Variants in KANK1 observed in about 807,000 individuals in gnomAD.
The protein encoded by KANK1 is KN motif and ankyrin repeat domain-containing protein 1.
In KANK1, 109 loss-of-function variants were observed where a neutral mutation model predicts 106.2. The ratio of observed to expected loss-of-function variants is 1.03; its 90% CI spans 0.88 to 1.20. KANK1 has a LOEUF of 1.20. Ranked by LOEUF, KANK1 falls within the 50% of genes most tolerant of loss-of-function variation. The pLI is 0.00. For missense variants in KANK1, 2,399 were observed against 1,710.7 expected (o/e 1.40, Z -7.10); for synonymous variants, 873 against 652.2 (o/e 1.34, Z -5.16).
chr9:480,659 T>C (rs1431972592), intron 3 of KANK1, among the ~76,000 whole-genome samples: 1 of 152,240 alleles, frequency 6.6e-6, no homozygotes, highest in Middle Eastern at 3.2e-3. Context: ...GAAAGAATTA[T>C]TTTCGTCAGC....
At chr9:605,606 C>G (rs1828904551) in intron 1 of KANK1, among the ~76,000 whole-genome samples, 2 of 151,806 alleles carry the variant, frequency 1.3e-5, no homozygotes, top group African/African-American at 2.4e-5. Flanking sequence ...TTCCTGTAAT[C>G]TCTTCTGTAC....
At chr9:743,123 T>G (rs1382586115) in intron 10 of KANK1, among the ~76,000 whole-genome samples, 1 of 152,128 alleles carries the variant, frequency 6.6e-6, no homozygotes, top group Non-Finnish European at 1.5e-5. Context: ...TGAGATGGTG[T>G]AAAGGTCACA....
intron 3 of KANK1, chr9:476,498 G>C (rs1156601238): frequency 6.6e-6 from 1 of 152,084 alleles, no homozygotes; most frequent in Non-Finnish European, 1.5e-5. Context: ...TCCAGCCTGG[G>C]CAATGGAACA....
At chr9:500,279 A>AAAC (rs1483010382), upstream of KANK1, among the ~76,000 whole-genome samples, 1 of 152,228 alleles carries the variant, frequency 6.6e-6, no homozygotes, top group Non-Finnish European at 1.5e-5. Context: ...CAAGAATAAT[A>AAAC]AACAAGTGAC....
chr9:712,075 G>T lies in KANK1; in HGVS notation c.1309G>T (p.Gly437Trp). 1.2e-6 allele frequency: 2 copies of T among 1,614,104 alleles called. No individual in the cohort carries two copies. Among genetic ancestry groups the T allele is most frequent in the Non-Finnish European group, 8.5e-7 (1 of 1,179,996 alleles). ...VGTLVEMRNC[G>W]VSVTEAMLGV... ...GACACTTGTTGAGATGAGAAATTGT[G>T]GGGTCAGCGTGACAGAGGCCATGCT... Residue 437 changes from glycine (G) to tryptophan (W), a missense_variant, in exon 3 of 12, where the codon GGG becomes TGG. Gly to Trp is a radical substitution (Grantham distance 184). Transcript: ENST00000382297.
intron 2 of KANK1, chr9:686,846 C>T: frequency 2.0e-6 from 2 of 985,316 alleles, no homozygotes; most frequent in Non-Finnish European, 2.4e-6. Flanking sequence ...TGCTAGAAAA[C>T]AGCAGCTGGA....
chr9:739,819 GATCTAGGATGCTTCAGC>G (rs983336758), intron 8 of KANK1, among the ~76,000 whole-genome samples: 13 of 152,006 alleles, frequency 8.6e-5, no homozygotes, highest in African/African-American at 3.1e-4. Flanking sequence ...ATAAGGTGTA[GATCTAGGATGCTTCAGC>G]ATCTATGCAG....
intron 1 of KANK1, among the ~76,000 whole-genome samples, chr9:546,660 C>T (rs1240327560): frequency 1.3e-5 from 2 of 150,846 alleles, no homozygotes; most frequent in Non-Finnish European, 2.9e-5. Context: ...TATTCCCTCT[C>T]CCACCCCCAC....
upstream of KANK1, among the ~76,000 whole-genome samples, chr9:503,718 C>G (rs563077053): frequency 6.6e-6 from 1 of 152,292 alleles, no homozygotes; most frequent in African/African-American, 2.4e-5. Context: ...AAAGTCGTCC[C>G]TTCAGTTCCC....
intron 2 of KANK1, chr9:707,067 G>C (rs988018043): frequency 1.0e-6 from 1 of 985,348 alleles, no homozygotes; most frequent in African/African-American, 1.7e-5. Context: ...CAGCCGGAGG[G>C]AGACCTCGCC....
At chr9:717,984 CAA>C (rs1828178614) in intron 3 of KANK1, among the ~76,000 whole-genome samples, 1 of 152,120 alleles carries the variant, frequency 6.6e-6, no homozygotes, top group African/African-American at 2.4e-5. Flanking sequence ...CTTAGTTCAT[CAA>C]AAGTTAATGA....
intron 1 of KANK1, among the ~76,000 whole-genome samples, chr9:561,998 A>G (rs891264853): frequency 2.0e-5 from 3 of 151,914 alleles, no homozygotes; most frequent in Non-Finnish European, 2.9e-5. Flanking sequence ...ACCATTTTAT[A>G]ACTTAGGTAA....
At position 681,272 on chromosome 9, in the gene KANK1, G is replaced by A. The variant is rs549893789; in HGVS notation, c.37+4263G>A. ...ATGGTACTGCTAACAGTACTGCAGC[G>A]TCTTTTGTTAAGGAGGTAAGAGCAT... On this transcript the variant is annotated intron_variant, in intron 2 of 11. Coordinates refer to ENST00000382297, the MANE Select transcript of KANK1 (RefSeq NM_015158.5). Among the ~76,000 whole-genome samples, 7 of 152,248 alleles carry A rather than the reference G, an allele frequency of 4.6e-5. No individual in the cohort carries two copies. In the South Asian group the frequency reaches 6.2e-4, roughly 14 times the overall value.
chr9:565,058 G>GAGAC (rs970327057), intron 1 of KANK1, among the ~76,000 whole-genome samples: 9 of 152,210 alleles, frequency 5.9e-5, no homozygotes, highest in Non-Finnish European at 1.0e-4. Context: ...GTAGAGAAGA[G>GAGAC]AGACCAAAGT....
At chr9:603,532 A>T (rs1217090710) in intron 1 of KANK1, among the ~76,000 whole-genome samples, 1 of 151,850 alleles carries the variant, frequency 6.6e-6, no homozygotes, top group Non-Finnish European at 1.5e-5. Context: ...GACATTCAGT[A>T]ATTCTTACTC....
At chr9:687,766 T>C (rs569093887) in intron 2 of KANK1, among the ~76,000 whole-genome samples, 3 of 152,352 alleles carry the variant, frequency 2.0e-5, no homozygotes, top group African/African-American at 7.2e-5. Flanking sequence ...CTTCCTCTTC[T>C]TTATTCCTTT....
intron 2 of KANK1, among the ~76,000 whole-genome samples, chr9:703,445 G>A (rs539968185): frequency 6.6e-6 from 1 of 152,186 alleles, no homozygotes; most frequent in East Asian, 1.9e-4. Flanking sequence ...AGCCAATTAA[G>A]CTTTCAATAA....
intron 1 of KANK1, among the ~76,000 whole-genome samples, chr9:524,823 T>C (rs1249773872): frequency 2.0e-5 from 3 of 151,540 alleles, no homozygotes; most frequent in Non-Finnish European, 4.4e-5. Context: ...GGCTCGTTAC[T>C]GGTTTTGATC....
At position 713,356 on chromosome 9, in the gene KANK1, T is replaced by A; in HGVS notation, c.2590T>A (p.Ser864Thr). The A allele has an allele frequency of 1.2e-6, 2 of 1,614,146 alleles. No homozygotes were observed. Among genetic ancestry groups the A allele is most frequent in the Admixed American group, 1.7e-5 (1 of 60,022 alleles). The part of the protein sequence containing the change: ...EPHSQMGSLN[S>T]QLISTLSSIN... ...TCACTCACAGATGGGCTCCCTCAAC[T>A]CTCAGCTCATCAGCACCCTGTCGTC... The change falls in exon 3 of 12, where the codon TCT becomes ACT. Residue 864 changes from serine to threonine, a missense_variant. Transcript: ENST00000382297.
Sources: gnomAD v4.1 joint callset for allele counts (sites outside exome capture counted in the v4.1 genomes callset) on GRCh38, gnomAD v4.1.1 for gene constraint, MANE v1.5 for transcripts, NCBI Gene and HGNC (gene_info 2026-07-23, HGNC 2026-07-21) for gene names.